The following ADCY2 variants were observed in gnomAD, a reference collection of about 807,000 sequenced individuals.
The protein encoded by ADCY2 is adenylate cyclase type 2.
In ADCY2, 31 loss-of-function variants were observed where a neutral mutation model predicts 125.2. The observed-to-expected ratio is 0.25, with a 90% CI of 0.19 to 0.33. ADCY2 has a LOEUF of 0.33. Among genes scored for constraint, ADCY2 ranks in the 10% least tolerant of loss-of-function variants. ADCY2 has a pLI of 1.00. For synonymous variants in ADCY2, 512 were observed against 548.4 expected (o/e 0.93, Z 0.93); for missense variants, 904 against 1,418.2 (o/e 0.64, Z 5.82).
chr5:7,796,064 A>G (rs1744410301), intron 20 of ADCY2: 2 of 152,206 alleles, frequency 1.3e-5, no homozygotes, highest in Admixed American at 6.5e-5. Context: ...AGGTCTACCT[A>G]TAAGCCAAAA....
intron 14 of ADCY2, among the ~76,000 whole-genome samples, chr5:7,733,116 A>T (rs1742153063): frequency 6.6e-6 from 1 of 152,250 alleles, no homozygotes; most frequent in Non-Finnish European, 1.5e-5. Context: ...TAAAACAAGG[A>T]TGAATTTTTT....
chr5:7,572,431 G>GT (rs1736095858), intron 3 of ADCY2, among the ~76,000 whole-genome samples: 1 of 151,670 alleles, frequency 6.6e-6, no homozygotes, highest in South Asian at 2.1e-4. Context: ...TCATATGATC[G>GT]TTGGCCACAT....
At chr5:7,816,044 G>C (rs937023435) in intron 22 of ADCY2, among the ~76,000 whole-genome samples, 2 of 152,100 alleles carry the variant, frequency 1.3e-5, no homozygotes, top group Non-Finnish European at 2.9e-5. Flanking sequence ...TTCTTAAAAG[G>C]ACACCAGTCA....
intron 4 of ADCY2, among the ~76,000 whole-genome samples, chr5:7,686,914 A>C (rs185138214): frequency 6.6e-6 from 1 of 152,154 alleles, no homozygotes; most frequent in Non-Finnish European, 1.5e-5. Flanking sequence ...AACTCATTCA[A>C]TTGCCCAGCA....
At chr5:7,414,478 A>G (rs1260165810) in intron 1 of ADCY2, 95 bp from the exon 2 acceptor site, 1 of 1,071,660 alleles carries the variant, frequency 9.3e-7, no homozygotes, top group East Asian at 2.6e-5. Context: ...ATATTCTGAC[A>G]TTGACAAGCG....
At chr5:7,441,707 T>G (rs997918803) in intron 2 of ADCY2, among the ~76,000 whole-genome samples, 2 of 152,192 alleles carry the variant, frequency 1.3e-5, no homozygotes, top group African/African-American at 4.8e-5. Context: ...ATAATTCAAT[T>G]AAACACACGT....
In ADCY2 at chr5:7,826,754, C is replaced by T. The variant is rs757486235; in HGVS notation, c.3159C>T (p.Leu1053=). The change falls in exon 25 of 25, where the codon CTC becomes CTT. Residue 1053 remains leucine, a synonymous_variant. Coordinates refer to ENST00000338316, the MANE Select transcript of ADCY2 (RefSeq NM_020546.3). The part of the protein sequence containing the change: ...TEETSLVLQT[L]GYTCTCRGII... ...AGACGAGCCTCGTCCTGCAGACCCT[C>T]GGATACACGTGCACCTGTCGAGGAA... is the stretch of plus-strand genomic sequence containing the variant. 11 of 1,613,876 alleles carry T rather than the reference C, an allele frequency of 6.8e-6. No individual in the cohort carries two copies. Among genetic ancestry groups the T allele is most frequent in the South Asian group, 4.4e-5 (4 of 91,046 alleles).
intron 2 of ADCY2, among the ~76,000 whole-genome samples, chr5:7,415,232 C>T (rs1487156098): frequency 6.6e-6 from 1 of 152,164 alleles, no homozygotes; most frequent in Non-Finnish European, 1.5e-5. Flanking sequence ...AATCTTATTC[C>T]TCCTGTCTAA....
At chr5:7,780,708 T>G (rs1370053765) in intron 18 of ADCY2, among the ~76,000 whole-genome samples, 2 of 152,222 alleles carry the variant, frequency 1.3e-5, no homozygotes, top group East Asian at 1.9e-4. Flanking sequence ...CACAGAAATG[T>G]AAAGTTTTTG....
At chr5:7,665,378 T>C (rs1411885691) in intron 4 of ADCY2, among the ~76,000 whole-genome samples, 3 of 152,000 alleles carry the variant, frequency 2.0e-5, no homozygotes, top group South Asian at 4.2e-4. Context: ...GCCTTTCCCA[T>C]TGGGAACTCA....
At position 7,614,881 on chromosome 5, in the gene ADCY2, G is replaced by A. The variant is rs960642126; in HGVS notation, c.571-11286G>A. The stretch of plus-strand genomic sequence containing the variant: ...AGGTTCTAGCAACATGTCCCTCCTT[G>A]TATTAGTCTGTTCTCTTGCATTGCT... On this transcript the variant is annotated intron_variant, in intron 3 of 24. Transcript: ENST00000338316. Among the ~76,000 whole-genome samples the A allele has an allele frequency of 2.0e-5, 3 of 152,206 alleles. No homozygotes were observed. In the East Asian group the frequency reaches 5.8e-4, roughly 29 times the overall value.
intron 3 of ADCY2, among the ~76,000 whole-genome samples, chr5:7,541,030 C>T (rs1156408497): frequency 1.3e-5 from 2 of 152,200 alleles, no homozygotes; most frequent in South Asian, 2.1e-4. Context: ...ATAGTCAACC[C>T]TCCTGACCAG....
intron 15 of ADCY2, among the ~76,000 whole-genome samples, chr5:7,750,851 T>C (rs75071778): frequency 0.033 from 4,985 of 152,122 alleles, 273 homozygotes; most frequent in African/African-American, 0.11. Context: ...GAGACTCAGC[T>C]GTGTATTCTC....
chr5:7,741,395 A>C (rs1311999457), intron 14 of ADCY2, among the ~76,000 whole-genome samples: 1 of 152,092 alleles, frequency 6.6e-6, no homozygotes, highest in Non-Finnish European at 1.5e-5. Context: ...AATAATACTA[A>C]CTACTATATA....
chr5:7,562,741 A>G (rs1735746330), intron 3 of ADCY2, among the ~76,000 whole-genome samples: 5 of 152,124 alleles, frequency 3.3e-5, no homozygotes, highest in Admixed American at 3.3e-4. Flanking sequence ...TTAGCTAGAA[A>G]CTACAAGACT....
intron 4 of ADCY2, among the ~76,000 whole-genome samples, chr5:7,683,139 G>A (rs1240641543): frequency 2.0e-5 from 3 of 152,178 alleles, no homozygotes; most frequent in Non-Finnish European, 4.4e-5. Flanking sequence ...CTGCCCTGAA[G>A]ACTCCTCACA....
At chr5:7,401,032 T>C (rs1019505831) in intron 1 of ADCY2, among the ~76,000 whole-genome samples, 1 of 152,068 alleles carries the variant, frequency 6.6e-6, no homozygotes, top group Non-Finnish European at 1.5e-5. Context: ...TGTGTGGGAG[T>C]TGTGGCTTTG....
At chr5:7,428,102 G>A (rs755184166) in intron 2 of ADCY2, among the ~76,000 whole-genome samples, 3 of 152,334 alleles carry the variant, frequency 2.0e-5, no homozygotes, top group Middle Eastern at 3.4e-3. Flanking sequence ...GAGGGCAGGG[G>A]TCGGGGAGCT....
chr5:7,777,550 G>C (rs1321734545), intron 18 of ADCY2, among the ~76,000 whole-genome samples: 1 of 152,174 alleles, frequency 6.6e-6, no homozygotes, highest in Non-Finnish European at 1.5e-5. Context: ...ATCAGGTTCT[G>C]TTTATATCTT....
Sources: gnomAD v4.1 joint callset for allele counts (sites outside exome capture counted in the v4.1 genomes callset) on GRCh38, gnomAD v4.1.1 for gene constraint, MANE v1.5 for transcripts, NCBI Gene and HGNC (gene_info 2026-07-23, HGNC 2026-07-21) for gene names.